The following KLF17 variants were observed in gnomAD, a reference collection of about 807,000 sequenced individuals.
KLF17 encodes KLF transcription factor 17.
Under a neutral mutation model 34.2 loss-of-function variants are expected in KLF17, and 31 were observed. That is an observed-to-expected ratio of 0.91 (90% confidence interval 0.68 to 1.22). The LOEUF (loss-of-function observed/expected upper bound fraction) is 1.22. Ranked by LOEUF, KLF17 falls within the 50% of genes most tolerant of loss-of-function variation. The pLI, the probability that KLF17 is intolerant of heterozygous loss-of-function variation, is 0.00. For synonymous variants in KLF17, 179 were observed against 186.7 expected (o/e 0.96, Z 0.34); for missense variants, 478 against 505.2 (o/e 0.95, Z 0.52).
At chr1:44,089,270 T>G in the KLF17 span, among the ~76,000 whole-genome samples, 2 of 152,056 alleles carry the variant, frequency 1.3e-5, no homozygotes, top group Non-Finnish European at 2.9e-5. Context: ...GAATCTGAGG[T>G]GCAAGAAGCT....
At chr1:44,051,611 T>A in the KLF17 span, 1 of 152,278 alleles carries the variant, frequency 6.6e-6, no homozygotes, top group African/African-American at 2.4e-5. Context: ...AACACTTCCT[T>A]GTCCTTGTCA....
chr1:44,131,808 C>T (rs1286747325), intron 3 of KLF17, among the ~76,000 whole-genome samples: 3 of 152,198 alleles, frequency 2.0e-5, no homozygotes, highest in Non-Finnish European at 4.4e-5. Context: ...GATTCTCCTG[C>T]TTCAGCCTCC....
At chr1:44,127,691 T>TTTCTTTC (rs1491100393) in intron 1 of KLF17, among the ~76,000 whole-genome samples, 2 of 15,262 alleles carry the variant, frequency 1.3e-4, no homozygotes, top group African/African-American at 3.5e-4. Context: ...TCTTTCTTTC[T>TTTCTTTC]TTTTCTTTCT....
At chr1:44,127,583 C>G (rs368739174) in intron 1 of KLF17, among the ~76,000 whole-genome samples, 1 of 151,264 alleles carries the variant, frequency 6.6e-6, no homozygotes, top group African/African-American at 2.4e-5. Context: ...GTGATCCACC[C>G]GCCTCGGTGG....
At chr1:44,107,868 A>G in the KLF17 span, among the ~76,000 whole-genome samples, 1 of 152,348 alleles carries the variant, frequency 6.6e-6, no homozygotes, top group African/African-American at 2.4e-5. Flanking sequence ...ATGTACGTAT[A>G]GGAAAAAAAC....
At chr1:44,070,917 T>A in the KLF17 span, among the ~76,000 whole-genome samples, 1 of 152,242 alleles carries the variant, frequency 6.6e-6, no homozygotes, top group Non-Finnish European at 1.5e-5. Flanking sequence ...TTAACATTTA[T>A]ATATTTTTAT....
chr1:44,052,928 T>C, the KLF17 span, among the ~76,000 whole-genome samples: 1 of 149,342 alleles, frequency 6.7e-6, no homozygotes, highest in East Asian at 2.0e-4. Flanking sequence ...TTTGAGACAG[T>C]CTTACTCTGT....
the KLF17 span, among the ~76,000 whole-genome samples, chr1:44,046,528 T>TACAC: frequency 7.7e-3 from 655 of 85,110 alleles, 4 homozygotes; most frequent in African/African-American, 0.025. Context: ...ACCTAAGCAC[T>TACAC]ACACACACAC....
chr1:44,054,478 C>CTTTT, the KLF17 span, among the ~76,000 whole-genome samples: 55 of 100,184 alleles, frequency 5.5e-4, 2 homozygotes, highest in Admixed American at 6.4e-4. Context: ...ATCAGTGTGC[C>CTTTT]TTTTTTTTTT....
intron 1 of KLF17, among the ~76,000 whole-genome samples, chr1:44,123,820 T>G (rs1468440212): frequency 6.6e-6 from 1 of 152,168 alleles, no homozygotes; most frequent in Non-Finnish European, 1.5e-5. Context: ...TTTGACCCAT[T>G]GATTGTTTCA....
the KLF17 span, among the ~76,000 whole-genome samples, chr1:44,053,775 G>C: frequency 0.67 from 102,082 of 152,120 alleles, 34,376 homozygotes; most frequent in East Asian, 0.78. Flanking sequence ...GTTAAGTTGA[G>C]CGTATTCTTT....
At chr1:44,070,433 C>T in the KLF17 span, among the ~76,000 whole-genome samples, 1 of 152,062 alleles carries the variant, frequency 6.6e-6, no homozygotes, top group Non-Finnish European at 1.5e-5. Flanking sequence ...ACTTATAAGA[C>T]AGAACACGTG....
At chr1:44,062,574 A>G in the KLF17 span, among the ~76,000 whole-genome samples, 6 of 144,558 alleles carry the variant, frequency 4.2e-5, no homozygotes, top group African/African-American at 1.6e-4. Flanking sequence ...AAAAAAAAAA[A>G]GCCACGTGTA....
chr1:44,068,709 A>G, the KLF17 span, among the ~76,000 whole-genome samples: 1 of 152,262 alleles, frequency 6.6e-6, no homozygotes, highest in Non-Finnish European at 1.5e-5. Context: ...CTCTGCTAGC[A>G]TGATTCTCCA....
At chr1:44,123,254 G>T (rs367628699) in intron 1 of KLF17, among the ~76,000 whole-genome samples, 1 of 151,982 alleles carries the variant, frequency 6.6e-6, no homozygotes, top group South Asian at 2.1e-4. Flanking sequence ...GAAATGGGGG[G>T]TCTCACCATG....
In KLF17 at chr1:44,133,320, C is replaced by T. The variant is rs997548604; in HGVS notation, c.*83C>T. ...GAGGAGAGGCAGTCTTCAAGTTCTACATTCATTCAGAAAAATGTTTTTTGA... is the reference window on the plus strand; with the variant it reads ...GAGGAGAGGCAGTCTTCAAGTTCTATATTCATTCAGAAAAATGTTTTTTGA... On this transcript the variant is annotated 3_prime_UTR_variant, in exon 4 of 4. Coordinates refer to ENST00000372299, the MANE Select transcript of KLF17 (RefSeq NM_173484.4). 6.6e-6 allele frequency: 1 copy of T among 152,270 alleles called. No homozygotes were observed. Among genetic ancestry groups the T allele is most frequent in the African/African-American group, 2.4e-5 (1 of 41,446 alleles). 9.4% of individuals were successfully genotyped at this position (152,270 alleles called of 1,614,324 possible). A position where few individuals can be genotyped will look rare whatever the true frequency, so the allele number is the denominator to read the frequency against.
chr1:44,076,333 G>A, the KLF17 span: 2 of 152,260 alleles, frequency 1.3e-5, no homozygotes, highest in Non-Finnish European at 1.5e-5. Flanking sequence ...ACAACCTGCT[G>A]TGTCTCTTGG....
At chr1:44,077,602 GTATTTCAC>G in the KLF17 span, among the ~76,000 whole-genome samples, 81 of 152,286 alleles carry the variant, frequency 5.3e-4, 2 homozygotes, top group East Asian at 0.012. Flanking sequence ...TTATCTGTAG[GTATTTCAC>G]TAACATGTCT....
At chr1:44,047,060 A>C in the KLF17 span, among the ~76,000 whole-genome samples, 2 of 149,760 alleles carry the variant, frequency 1.3e-5, no homozygotes, top group African/African-American at 4.9e-5. Context: ...CATTCTCTGT[A>C]CTAGGCTACA....
Sources: allele counts gnomAD v4.1 joint callset (sites outside exome capture counted in the v4.1 genomes callset), GRCh38; gene constraint gnomAD v4.1.1; transcripts MANE v1.5; gene names NCBI Gene and HGNC (gene_info 2026-07-23, HGNC 2026-07-21).